SH3BGRL2: variants seen among roughly 807,000 people sequenced by gnomAD.
The protein encoded by SH3BGRL2 is SH3 domain binding glutamate rich protein like 2, also known as SH3 domain-binding glutamic acid-rich-like protein 2.
In SH3BGRL2, 21 loss-of-function variants were observed where a neutral mutation model predicts 14.8. That is an observed-to-expected ratio of 1.42 (90% confidence interval 1.01 to 2.05). The LOEUF is 2.05. SH3BGRL2 is among the 30% of genes most tolerant of loss of function. The pLI is 0.00. For missense variants in SH3BGRL2, 147 were observed against 130.8 expected, an observed-to-expected ratio of 1.12 and a Z score of -0.61; for synonymous variants, 50 against 47.8, an observed-to-expected ratio of 1.05 and a Z score of -0.19.
At chr6:79,652,079 G>A (rs886512164) in intron 1 of SH3BGRL2, among the ~76,000 whole-genome samples, 2 of 152,286 alleles carry the variant, frequency 1.3e-5, no homozygotes, top group South Asian at 4.1e-4. Flanking sequence ...CTCCAATTAA[G>A]AACAACTGGG....
intron 1 of SH3BGRL2, among the ~76,000 whole-genome samples, chr6:79,661,651 T>C (rs1769551267): frequency 6.6e-6 from 1 of 152,202 alleles, no homozygotes. Flanking sequence ...TTAGGTCCGC[T>C]TGGTGCAGAG....
At chr6:79,581,282 C>A in the SH3BGRL2 span, among the ~76,000 whole-genome samples, 1 of 152,194 alleles carries the variant, frequency 6.6e-6, no homozygotes, top group Admixed American at 6.5e-5. Context: ...CTCCCTAACT[C>A]ATTTTATGAG....
intron 1 of SH3BGRL2, among the ~76,000 whole-genome samples, chr6:79,666,232 G>A (rs1055767503): frequency 1.2e-4 from 18 of 152,208 alleles, no homozygotes; most frequent in East Asian, 5.8e-4. Context: ...TCACCTCAAC[G>A]TGGAAAGGCT....
At chr6:79,615,509 G>A in the SH3BGRL2 span, among the ~76,000 whole-genome samples, 6 of 152,104 alleles carry the variant, frequency 3.9e-5, no homozygotes, top group Non-Finnish European at 5.9e-5. Flanking sequence ...ACAAGATAAA[G>A]CACTTACCAG....
chr6:79,565,011 C>T, the SH3BGRL2 span, among the ~76,000 whole-genome samples: 1 of 152,052 alleles, frequency 6.6e-6, no homozygotes, highest in Non-Finnish European at 1.5e-5. Flanking sequence ...GGATTTTCAA[C>T]AACAGGAGGC....
chr6:79,699,574 C>A lies in SH3BGRL2; in HGVS notation c.*65C>A. On this transcript the variant is annotated 3_prime_UTR_variant, in exon 4 of 4. Transcript: ENST00000369838. Reference sequence around the variant, plus strand: ...ACCCCTGGTACTCAGCACACACATGCTTACCTAATGCATCACTGTGACAAA... The same window carrying A: ...ACCCCTGGTACTCAGCACACACATGATTACCTAATGCATCACTGTGACAAA... 2 of 1,415,962 alleles carry A rather than the reference C, an allele frequency of 1.4e-6. No homozygotes were observed. Among genetic ancestry groups the A allele is most frequent in the South Asian group, 1.5e-5 (1 of 65,234 alleles). The allele number at this position is 1,415,962 out of a possible 1,614,324, so 87.7% of individuals were successfully genotyped here. A position where few individuals can be genotyped will look rare whatever the true frequency, so the allele number is the denominator to read the frequency against.
intron 2 of SH3BGRL2, among the ~76,000 whole-genome samples, chr6:79,675,561 G>T (rs969255898): frequency 5.3e-5 from 8 of 151,446 alleles, no homozygotes; most frequent in African/African-American, 1.9e-4. Flanking sequence ...TTTTTTCCTT[G>T]TTCCCTTTCT....
intron 2 of SH3BGRL2, among the ~76,000 whole-genome samples, chr6:79,676,333 C>G (rs562451235): frequency 3.3e-5 from 5 of 152,036 alleles, no homozygotes; most frequent in African/African-American, 7.2e-5. Flanking sequence ...AGTGAGGCAC[C>G]CTGGGATCTA....
chr6:79,664,051 G>T (rs1482317770), intron 1 of SH3BGRL2, among the ~76,000 whole-genome samples: 1 of 152,210 alleles, frequency 6.6e-6, no homozygotes. Flanking sequence ...GGAGTGTCCT[G>T]TTTTTCCAGG....
In SH3BGRL2 at chr6:79,656,704, C is replaced by A. The variant is rs1003419720; in HGVS notation, c.46-16910C>A. On this transcript the variant is annotated intron_variant, in intron 1 of 3. Coordinates refer to ENST00000369838, the MANE Select transcript of SH3BGRL2 (RefSeq NM_031469.4). ...ACATTGTATAAGGTATTATAAATAA[C>A]CTAGAGGTGATTTAGAGTATAAGGG... Among the ~76,000 whole-genome samples the A allele has an allele frequency of 4.6e-5, 7 of 152,034 alleles. No individual in the cohort carries two copies. In the South Asian group the frequency reaches 8.3e-4, roughly 18 times the overall value.
At chr6:79,619,578 A>G in the SH3BGRL2 span, among the ~76,000 whole-genome samples, 1 of 152,216 alleles carries the variant, frequency 6.6e-6, no homozygotes, top group Non-Finnish European at 1.5e-5. Flanking sequence ...GGGCAGAGGC[A>G]GAGAATGCCA....
In SH3BGRL2 at chr6:79,675,436, G is replaced by A. The variant is rs567269287; in HGVS notation, c.231+1637G>A. Among the ~76,000 whole-genome samples, 65 of 152,054 alleles carry A rather than the reference G, an allele frequency of 4.3e-4. 1 individual carries two copies. In the South Asian group the frequency reaches 0.013, roughly 31 times the overall value. On this transcript the variant is annotated intron_variant, in intron 2 of 3. Transcript: ENST00000369838. Reference sequence around the variant, plus strand: ...ACCACATCTTTTGGTGAATTACTATGGTATGAGCTATTTTTCATTCATTGT... The same window carrying A: ...ACCACATCTTTTGGTGAATTACTATAGTATGAGCTATTTTTCATTCATTGT...
intron 1 of SH3BGRL2, among the ~76,000 whole-genome samples, chr6:79,651,757 A>C (rs140060155): frequency 4.4e-4 from 67 of 152,194 alleles, no homozygotes; most frequent in Admixed American, 9.8e-4. Context: ...CTGTTATTAA[A>C]CAGTGCAAGG....
intron 1 of SH3BGRL2, among the ~76,000 whole-genome samples, chr6:79,647,317 G>A (rs933442648): frequency 3.3e-5 from 5 of 151,794 alleles, no homozygotes; most frequent in African/African-American, 4.8e-5. Flanking sequence ...TAAAGAAGTG[G>A]TTGTGGGTAT....
At chr6:79,596,154 T>G in the SH3BGRL2 span, among the ~76,000 whole-genome samples, 1 of 152,208 alleles carries the variant, frequency 6.6e-6, no homozygotes, top group Non-Finnish European at 1.5e-5. Flanking sequence ...TTACAAAACC[T>G]TCTGGGTTTT....
At chr6:79,625,139 C>T in the SH3BGRL2 span, among the ~76,000 whole-genome samples, 3 of 151,926 alleles carry the variant, frequency 2.0e-5, no homozygotes, top group Non-Finnish European at 2.9e-5. Context: ...CACCACTGCA[C>T]TCCAAGCTGA....
At chr6:79,553,957 G>C in the SH3BGRL2 span, among the ~76,000 whole-genome samples, 2 of 145,360 alleles carry the variant, frequency 1.4e-5, no homozygotes, top group African/African-American at 5.2e-5. Context: ...GACAGGGCGA[G>C]ACTCTGTCTC....
At chr6:79,538,796 C>T in the SH3BGRL2 span, among the ~76,000 whole-genome samples, 11 of 152,236 alleles carry the variant, frequency 7.2e-5, no homozygotes, top group Non-Finnish European at 1.0e-4. Context: ...ACTCAGAATG[C>T]TCCAGGCAGT....
chr6:79,604,206 C>A, the SH3BGRL2 span, among the ~76,000 whole-genome samples: 5 of 152,184 alleles, frequency 3.3e-5, no homozygotes, highest in African/African-American at 7.2e-5. Context: ...TTGTAAATAT[C>A]CTGCAGGCAC....
Sources: allele counts gnomAD v4.1 joint callset (sites outside exome capture counted in the v4.1 genomes callset), GRCh38; gene constraint gnomAD v4.1.1; transcripts MANE v1.5; gene names NCBI Gene and HGNC (gene_info 2026-07-23, HGNC 2026-07-21).